Variants in MORN1 observed in about 807,000 individuals in gnomAD.
The protein encoded by MORN1 is MORN repeat containing 1.
In MORN1, 67 loss-of-function variants were observed where a neutral mutation model predicts 61.9. That is an observed-to-expected ratio of 1.08 (90% CI 0.89 to 1.33). MORN1 has a LOEUF of 1.33. Ranked by LOEUF, MORN1 falls within the 40% of genes most tolerant of loss-of-function variation. The pLI, the probability that MORN1 is intolerant of heterozygous loss-of-function variation, is 0.00. For synonymous variants in MORN1, 301 were observed against 292.0 expected (o/e 1.03, Z -0.31); for missense variants, 752 against 691.2 (o/e 1.09, Z -0.99).
Position 2,333,220 on chromosome 1 carries a change from C to T in MORN1, c.1250+3249G>A, listed in dbSNP as rs1015481162. Among the ~76,000 whole-genome samples the T allele has an allele frequency of 2.0e-4, 31 of 152,340 alleles. No homozygotes were observed. In the East Asian group the frequency reaches 3.9e-3, roughly 19 times the overall value. On this transcript the variant is annotated intron_variant, in intron 12 of 13. Coordinates refer to ENST00000378531, the MANE Select transcript of MORN1 (RefSeq NM_024848.3). ...GCGTAATTATGCCAGCCAGTGGGCACGTCTAGCAGGGCCTGGGCTGGCCCC... is the reference window on the plus strand; with the variant it reads ...GCGTAATTATGCCAGCCAGTGGGCATGTCTAGCAGGGCCTGGGCTGGCCCC...
chr1:2,359,959 G>C (rs943880657), intron 8 of MORN1, among the ~76,000 whole-genome samples: 33 of 152,182 alleles, frequency 2.2e-4, no homozygotes, highest in Admixed American at 7.8e-4. Flanking sequence ...CCGAGCTTTG[G>C]GACGGGCTCT....
In MORN1 at chr1:2,357,196, C is replaced by T. The variant is rs1006055373; in HGVS notation, c.1036+236G>A. On this transcript the variant is annotated intron_variant, in intron 10 of 13. Coordinates refer to ENST00000378531, the MANE Select transcript of MORN1 (RefSeq NM_024848.3). The surrounding 1 kb of genome is among the most constrained non-coding windows in gnomAD (Gnocchi z 6.3). ...CCTGAGGACCCCACGAGGCTGCAGC[C>T]CCTGCCAGGCTCACGGCAGACGAAC... 1.3e-5 allele frequency among the ~76,000 whole-genome samples: 2 copies of T among 152,176 alleles called. No individual in the cohort carries two copies. Among genetic ancestry groups the T allele is most frequent in the Non-Finnish European group, 2.9e-5 (2 of 68,024 alleles).
In MORN1 at chr1:2,357,409, A is replaced by C. The variant is rs758419468; in HGVS notation, c.1036+23T>G. The C allele has an allele frequency of 6.4e-7, 1 of 1,568,070 alleles. No individual in the cohort carries two copies. The highest frequency in any genetic ancestry group is 2.3e-5 in the East Asian group (1 of 43,754). On this transcript the variant is annotated intron_variant, in intron 10 of 13. Transcript: ENST00000378531. The surrounding 1 kb of genome is among the most constrained non-coding windows in gnomAD (Gnocchi z 6.3). ...CTGGGCCTGGGCCCACCCACCCCCA[A>C]CTGGTTTGTGAGCTCCACTTACCAA...
intron 10 of MORN1, among the ~76,000 whole-genome samples, chr1:2,347,190 C>T (rs867083278): frequency 2.0e-5 from 3 of 152,320 alleles, no homozygotes; most frequent in Middle Eastern, 3.4e-3. Flanking sequence ...AGGTGGTTTC[C>T]CACTTAGAGT....
intron 10 of MORN1, among the ~76,000 whole-genome samples, chr1:2,347,206 G>C (rs1326817870): frequency 6.6e-6 from 1 of 152,212 alleles, no homozygotes; most frequent in Non-Finnish European, 1.5e-5. Context: ...AGAGTGGCAG[G>C]GGACACGTCC....
At chr1:2,385,506 G>A (rs1642473400) in intron 5 of MORN1, 2 of 339,728 alleles carry the variant, frequency 5.9e-6, no homozygotes, top group Non-Finnish European at 1.1e-5. Context: ...CTCCTGTGGT[G>A]CCACTTTGCC....
At chr1:2,387,286 G>A (rs1642526507) in intron 4 of MORN1, 133 bp downstream of exon 4, 2 of 720,972 alleles carry the variant, frequency 2.8e-6, no homozygotes, top group African/African-American at 3.5e-5. Flanking sequence ...AGAGGGCATG[G>A]GCCCCCTACC....
chr1:2,370,744 C>T (rs369229111), intron 8 of MORN1, among the ~76,000 whole-genome samples: 7 of 150,110 alleles, frequency 4.7e-5, no homozygotes, highest in African/African-American at 1.7e-4. Flanking sequence ...GGTGCAGTCA[C>T]GGGGCTCACT....
intron 1 of MORN1, among the ~76,000 whole-genome samples, chr1:2,391,084 G>A (rs553388444): frequency 6.6e-6 from 1 of 152,350 alleles, no homozygotes; most frequent in East Asian, 1.9e-4. Context: ...AGGAAGTCAG[G>A]AGGCTTGGTG....
At chr1:2,348,346 A>T (rs965852588) in intron 10 of MORN1, among the ~76,000 whole-genome samples, 50 of 152,108 alleles carry the variant, frequency 3.3e-4, no homozygotes, top group Non-Finnish European at 5.9e-4. Flanking sequence ...GTGGGGCAGG[A>T]TTTTCACTGA....
chr1:2,339,547 C>T (rs1641351070), intron 10 of MORN1, among the ~76,000 whole-genome samples: 1 of 152,208 alleles, frequency 6.6e-6, no homozygotes, highest in Non-Finnish European at 1.5e-5. Context: ...ACAATTTCTG[C>T]AGCTGCAGCA....
intron 10 of MORN1, 110 bp from the exon 11 acceptor site, chr1:2,336,960 C>T (rs752702326): frequency 6.5e-4 from 804 of 1,227,498 alleles, no homozygotes; most frequent in Non-Finnish European, 7.8e-4. Context: ...CGGGCACAGA[C>T]GCCAGTCGCG....
chr1:2,381,865 C>G lies in MORN1; in HGVS notation c.537+3113G>C, dbSNP rs184513344. Among the ~76,000 whole-genome samples, 334 of 152,324 alleles carry G rather than the reference C, an allele frequency of 2.2e-3. 1 individual carries two copies. The highest frequency in any genetic ancestry group is 7.7e-3 in the African/African-American group (319 of 41,590). ...TAAGCTCTGGGCTCCCGGGGAGGAG[C>G]TGCCTCCCTCCAGCAAGGCCCGGGC... On this transcript the variant is annotated intron_variant, in intron 6 of 13. Transcript: ENST00000378531.
Position 2,355,466 on chromosome 1 carries a change from T to G in MORN1, c.1036+1966A>C, listed in dbSNP as rs1363422836. The G allele has an allele frequency of 2.6e-6, 4 of 1,550,372 alleles. No homozygotes were observed. The African/African-American group carries it at 4.1e-5, about 16-fold the overall frequency. ...TCTGATCCTAGAAGAGTGAGCTCCC[T>G]GCAAGCACAGACCCCCGAGGCTCTG... is the stretch of plus-strand genomic sequence containing the variant. On this transcript the variant is annotated intron_variant, in intron 10 of 13. Transcript: ENST00000378531.
chr1:2,355,279 GC>G (rs1641738063), intron 10 of MORN1: 4 of 1,435,144 alleles, frequency 2.8e-6, no homozygotes, highest in African/African-American at 1.4e-5. Flanking sequence ...CGCGGGCCGG[GC>G]CCCCCGTGGG....
intron 10 of MORN1, among the ~76,000 whole-genome samples, chr1:2,354,386 G>A (rs1641714997): frequency 6.6e-6 from 1 of 152,018 alleles, no homozygotes; most frequent in South Asian, 2.1e-4. Flanking sequence ...GCAACATGGC[G>A]AGGCCCTGTC....
At chr1:2,385,628 GA>G (rs1410790169) in intron 5 of MORN1, 178 bp downstream of exon 5, 2 of 530,068 alleles carry the variant, frequency 3.8e-6, no homozygotes, top group African/African-American at 4.1e-5. Flanking sequence ...GAATAACACC[GA>G]AACCACAGAA....
At chr1:2,344,196 G>A (rs1344771237) in intron 10 of MORN1, among the ~76,000 whole-genome samples, 2 of 152,170 alleles carry the variant, frequency 1.3e-5, no homozygotes, top group African/African-American at 4.8e-5. Flanking sequence ...GCCCTCAGGC[G>A]GCCTTAGGGG....
intron 10 of MORN1, among the ~76,000 whole-genome samples, chr1:2,349,547 T>C (rs776927971): frequency 3.3e-5 from 5 of 152,208 alleles, no homozygotes; most frequent in African/African-American, 1.2e-4. Flanking sequence ...TCCCTCTATA[T>C]GATGTGATTC....
Sources: allele counts gnomAD v4.1 joint callset (sites outside exome capture counted in the v4.1 genomes callset), GRCh38; gene constraint gnomAD v4.1.1; non-coding constraint Gnocchi (gnomAD v3.1); transcripts MANE v1.5; gene names NCBI Gene and HGNC (gene_info 2026-07-23, HGNC 2026-07-21).